The following PRKG1 variants were observed in gnomAD, a reference collection of about 807,000 sequenced individuals.
PRKG1 encodes cGMP-dependent protein kinase 1.
PRKG1 carries 35 observed loss-of-function variants against 88.1 expected under a neutral mutation model. That is an observed-to-expected ratio of 0.40 (90% CI 0.30 to 0.53). The LOEUF (loss-of-function observed/expected upper bound fraction) is 0.53, where lower values mean the gene tolerates loss of function less well. Among genes scored for constraint, PRKG1 ranks in the 20% least tolerant of loss-of-function variants. The pLI is 0.59. For missense variants in PRKG1, 540 were observed against 839.8 expected (o/e 0.64, Z 4.41); for synonymous variants, 303 against 292.5 (o/e 1.04, Z -0.37).
intron 2 of PRKG1, among the ~76,000 whole-genome samples, chr10:51,279,969 C>T (rs888548561): frequency 3.9e-5 from 6 of 152,186 alleles, no homozygotes; most frequent in Admixed American, 2.0e-4. Context: ...TTCCTAGCAT[C>T]GATGGCCTTT....
intron 2 of PRKG1, among the ~76,000 whole-genome samples, chr10:51,344,247 A>C (rs1298701518): frequency 1.3e-5 from 2 of 152,144 alleles, no homozygotes; most frequent in East Asian, 3.9e-4. Flanking sequence ...GAGTAGGAGC[A>C]GGAGAGAGAG....
chr10:51,130,569 A>C (rs1318535616), intron 1 of PRKG1, among the ~76,000 whole-genome samples: 1 of 151,472 alleles, frequency 6.6e-6, no homozygotes, highest in Non-Finnish European at 1.5e-5. Flanking sequence ...AATTCCATCT[A>C]CTTTTTTTTA....
chr10:51,697,707 C>G (rs757945354), intron 3 of PRKG1: 2 of 1,614,120 alleles, frequency 1.2e-6, no homozygotes, highest in East Asian at 2.2e-5. Context: ...TTTCAAGACG[C>G]TCCAGTGGAT....
chr10:52,215,473 T>G (rs1840088030), intron 9 of PRKG1, among the ~76,000 whole-genome samples: 1 of 152,112 alleles, frequency 6.6e-6, no homozygotes, highest in Non-Finnish European at 1.5e-5. Flanking sequence ...ATACAGGCAT[T>G]TAGATAGTTA....
chr10:51,709,923 G>A (rs1448822904), intron 3 of PRKG1, among the ~76,000 whole-genome samples: 1 of 128,652 alleles, frequency 7.8e-6, no homozygotes, highest in African/African-American at 2.8e-5. Flanking sequence ...TAGCAGCAAG[G>A]GTTTGACAAT....
intron 1 of PRKG1, among the ~76,000 whole-genome samples, chr10:51,025,011 C>T (rs1198800675): frequency 1.3e-5 from 2 of 152,184 alleles, no homozygotes; most frequent in Non-Finnish European, 2.9e-5. Context: ...TGGGCACTCT[C>T]AAGCCCAGCT....
At chr10:51,032,313 G>A (rs1670535693) in intron 1 of PRKG1, among the ~76,000 whole-genome samples, 1 of 151,370 alleles carries the variant, frequency 6.6e-6, no homozygotes, top group South Asian at 2.1e-4. Flanking sequence ...AACCCCCAAA[G>A]GTCTCTTGGC....
At chr10:51,034,668 T>TTTTTTATATA (rs9299454) in intron 1 of PRKG1, among the ~76,000 whole-genome samples, 53 of 68,182 alleles carry the variant, frequency 7.8e-4, no homozygotes, top group African/African-American at 2.7e-3. Context: ...AATATGTTAT[T>TTTTTTATATA]TATATATATA....
In PRKG1 at chr10:51,439,281, G is replaced by T. The variant is rs893408774; in HGVS notation, c.479-28442G>T. On this transcript the variant is annotated intron_variant, in intron 2 of 17. Transcript: ENST00000373980. ...AGACTATGGCTTAATGTCTTCATCA[G>T]ATTTGGATAATTATTTCTAAACTGT... is the stretch of plus-strand genomic sequence containing the variant. Among the ~76,000 whole-genome samples the T allele has an allele frequency of 9.2e-5, 14 of 151,796 alleles. 1 individual carries two copies. The highest frequency in any genetic ancestry group is 4.4e-5 in the Non-Finnish European group (3 of 67,870).
chr10:51,785,854 A>T (rs1005530767), intron 3 of PRKG1, among the ~76,000 whole-genome samples: 1 of 152,192 alleles, frequency 6.6e-6, no homozygotes, highest in African/African-American at 2.4e-5. Context: ...GAGATATCTC[A>T]TTCAGCCAAT....
intron 7 of PRKG1, among the ~76,000 whole-genome samples, chr10:52,090,340 A>T (rs1342110549): frequency 1.3e-5 from 2 of 152,206 alleles, no homozygotes; most frequent in Non-Finnish European, 2.9e-5. Context: ...GTGTAACAAA[A>T]TAAATTATAA....
chr10:51,065,652 CAG>C (rs913261950), intron 1 of PRKG1, among the ~76,000 whole-genome samples: 3 of 152,046 alleles, frequency 2.0e-5, no homozygotes, highest in African/African-American at 7.2e-5. Context: ...TCTTTTCCAT[CAG>C]AGAGGTGTGT....
intron 2 of PRKG1, among the ~76,000 whole-genome samples, chr10:51,288,339 A>G (rs959083831): frequency 8.5e-5 from 13 of 152,162 alleles, no homozygotes; most frequent in African/African-American, 3.1e-4. Flanking sequence ...GTTACTGAAC[A>G]ATGTATTTGC....
intron 9 of PRKG1, among the ~76,000 whole-genome samples, chr10:52,184,177 T>C (rs75224846): frequency 1.0e-3 from 154 of 152,340 alleles, no homozygotes; most frequent in African/African-American, 3.3e-3. Flanking sequence ...AATGTTACTA[T>C]TCAAGAAAAT....
intron 4 of PRKG1, among the ~76,000 whole-genome samples, chr10:51,842,455 C>T (rs1183666849): frequency 6.6e-6 from 1 of 152,154 alleles, no homozygotes; most frequent in African/African-American, 2.4e-5. Context: ...AGAAGACCCT[C>T]CTATTCAGGC....
chr10:51,507,981 T>G (rs928186444), intron 3 of PRKG1, among the ~76,000 whole-genome samples: 5 of 152,148 alleles, frequency 3.3e-5, no homozygotes, highest in African/African-American at 9.7e-5. Flanking sequence ...AAACAAGGAA[T>G]TGTGAATATA....
rs751419411 is a variant in PRKG1 at position 50,991,668 on chromosome 10, G to C, written c.266+24G>C. The C allele has an allele frequency of 6.2e-6, 9 of 1,455,566 alleles. No homozygotes were observed. The highest frequency in any genetic ancestry group is 2.7e-5 in the South Asian group (2 of 74,932). The allele number at this position is 1,455,566 out of a possible 1,614,324, so 90.2% of individuals were successfully genotyped here. A position where few individuals can be genotyped will look rare whatever the true frequency, so the allele number is the denominator to read the frequency against. On this transcript the variant is annotated intron_variant, in intron 1 of 17. Transcript: ENST00000401604. This position sits in a 1 kb window ranked among gnomAD's most constrained non-coding sequence, Gnocchi z 4.5. ...AGGTAGGCGCGGAGGCCGTGGGCCC[G>C]GGCGCTCGTCCCGGCCCGCGGCGCA...
chr10:51,551,183 T>C (rs1837120860), intron 3 of PRKG1, among the ~76,000 whole-genome samples: 1 of 151,864 alleles, frequency 6.6e-6, no homozygotes, highest in African/African-American at 2.4e-5. Context: ...CATTTCACGT[T>C]GACAACTCTA....
At chr10:51,158,198 T>A (rs1846262794) in intron 2 of PRKG1, among the ~76,000 whole-genome samples, 1 of 151,950 alleles carries the variant, frequency 6.6e-6, no homozygotes, top group Non-Finnish European at 1.5e-5. Context: ...TTTCTAGGTC[T>A]TAAATTTTTA....
Sources: allele counts gnomAD v4.1 joint callset (sites outside exome capture counted in the v4.1 genomes callset), GRCh38; gene constraint gnomAD v4.1.1; non-coding constraint Gnocchi (gnomAD v3.1); transcripts MANE v1.5; gene names NCBI Gene and HGNC (gene_info 2026-07-23, HGNC 2026-07-21).